The following CTDP1 variants were observed in gnomAD, a reference collection of about 807,000 sequenced individuals.
CTDP1 encodes CTD phosphatase 1, also known as RNA polymerase II subunit A C-terminal domain phosphatase.
In CTDP1, 47 loss-of-function variants were observed where a neutral mutation model predicts 91.8. The observed-to-expected ratio is 0.51, with a 90% CI of 0.41 to 0.65. The LOEUF is 0.65. CTDP1 is among the 30% of genes least tolerant of loss of function. The pLI is 0.00. For synonymous variants in CTDP1, 656 were observed against 598.5 expected (o/e 1.10, Z -1.40); for missense variants, 1,272 against 1,373.7 (o/e 0.93, Z 1.17).
chr18:79,723,684 A>T (rs892929531), intron 10 of CTDP1, among the ~76,000 whole-genome samples: 2 of 152,008 alleles, frequency 1.3e-5, no homozygotes, highest in Non-Finnish European at 2.9e-5. Context: ...CTCTTGTGAA[A>T]GTGGGGAACA....
At position 79,680,136 on chromosome 18, in the gene CTDP1, C is replaced by A; in HGVS notation, c.189C>A (p.Ala63=). 7.0e-7 allele frequency: 1 copy of A among 1,431,722 alleles called. No homozygotes were observed. Among genetic ancestry groups the A allele is most frequent in the Admixed American group, 2.6e-5 (1 of 39,054 alleles). The allele number at this position is 1,431,722 out of a possible 1,614,324, so 88.7% of individuals were successfully genotyped here. The change falls in exon 1 of 13, where the codon GCC becomes GCA. Residue 63 remains alanine, a synonymous_variant. Transcript: ENST00000613122. The part of the protein sequence containing the change: ...EAAASAQSSG[A]SQSRVASGGC... ...CCGCCTCCGCGCAGTCCTCCGGGGC[C>A]TCTCAGTCCCGTGTAGCCTCCGGGG...
chr18:79,698,413 T>C (rs989317895), intron 4 of CTDP1, among the ~76,000 whole-genome samples: 3 of 152,098 alleles, frequency 2.0e-5, no homozygotes, highest in African/African-American at 7.2e-5. Context: ...GGGTTTGTGC[T>C]TGGGAGAACT....
chr18:79,699,068 C>T (rs146095367), intron 4 of CTDP1, among the ~76,000 whole-genome samples: 41 of 152,196 alleles, frequency 2.7e-4, no homozygotes, highest in Non-Finnish European at 1.9e-4. Context: ...GAGTAACTGC[C>T]GTGCTGCACA....
intron 2 of CTDP1, 69 bp downstream of exon 2, chr18:79,695,377 A>C: frequency 1.4e-6 from 2 of 1,423,850 alleles, no homozygotes; most frequent in South Asian, 1.2e-5. Context: ...GGAGTCCGAG[A>C]AGCTGTGCTG....
intron 6 of CTDP1, among the ~76,000 whole-genome samples, chr18:79,711,555 A>G (rs1241825977): frequency 2.0e-5 from 3 of 152,124 alleles, no homozygotes; most frequent in Non-Finnish European, 4.4e-5. Context: ...CCCCACGCAC[A>G]AGCTCAGCAG....
chr18:79,756,591 A>G (rs987068788), downstream of CTDP1: 2 of 152,242 alleles, frequency 1.3e-5, no homozygotes, highest in African/African-American at 4.8e-5. Context: ...TAATTATACA[A>G]CTGTTCCAAA....
intron 1 of CTDP1, among the ~76,000 whole-genome samples, chr18:79,693,429 T>C (rs116246347): frequency 0.019 from 2,862 of 152,254 alleles, 97 homozygotes; most frequent in African/African-American, 0.065. Flanking sequence ...GTCACTATTT[T>C]GTTGTCTGGT....
At position 79,743,526 on chromosome 18, in the gene CTDP1, C is replaced by CAAAAAAA. The variant is rs34957550; in HGVS notation, c.2747+7017_2747+7023dup. ...GGACAACGGAGTGAGACTCCGTCTC[C>CAAAAAAA]AAAAAAAAAAAAAAAAAACAGTGAA... On this transcript the variant is annotated intron_variant, in intron 12 of 12. Transcript: ENST00000613122. Among the ~76,000 whole-genome samples the CAAAAAAA allele has an allele frequency of 2.7e-5, 3 of 109,886 alleles. 1 individual carries two copies. The highest frequency in any genetic ancestry group is 1.1e-4 in the African/African-American group (3 of 26,666). The allele number at this position is 109,886 out of a possible 152,430, so 72.1% of individuals were successfully genotyped here.
intron 1 of CTDP1, among the ~76,000 whole-genome samples, chr18:79,688,161 G>A (rs530506628): frequency 7.2e-4 from 110 of 152,386 alleles, no homozygotes; most frequent in African/African-American, 2.5e-3. Context: ...CAGGTGCAGA[G>A]CGTCAGCCAC....
At chr18:79,684,759 A>G (rs1181229148) in intron 1 of CTDP1, among the ~76,000 whole-genome samples, 1 of 152,256 alleles carries the variant, frequency 6.6e-6, no homozygotes, top group Non-Finnish European at 1.5e-5. Context: ...TGAAGTTACA[A>G]TAGTCACTAG....
rs577097190 is a variant in CTDP1, at chr18:79,684,469, C to A, written c.314+4208C>A. On this transcript the variant is annotated intron_variant, in intron 1 of 12. Transcript: ENST00000613122. ...CTATAAATAGCAGGTGTGAGTGAAC[C>A]TGTGAAAAGCACCAGCACCAGCCAG... is the stretch of plus-strand genomic sequence containing the variant. Among the ~76,000 whole-genome samples, 6 of 152,288 alleles carry A rather than the reference C, an allele frequency of 3.9e-5. No homozygotes were observed. In the East Asian group the frequency reaches 1.2e-3, roughly 29 times the overall value.
chr18:79,697,387 G>A (rs367710190), intron 3 of CTDP1, among the ~76,000 whole-genome samples: 5 of 152,214 alleles, frequency 3.3e-5, no homozygotes, highest in Non-Finnish European at 5.9e-5. Flanking sequence ...ACCCCGATGC[G>A]CTGTTGCCAG....
intron 10 of CTDP1, among the ~76,000 whole-genome samples, chr18:79,719,915 C>T (rs1160796258): frequency 1.4e-5 from 2 of 146,828 alleles, no homozygotes; most frequent in Non-Finnish European, 3.0e-5. Flanking sequence ...CCCATCGTGT[C>T]CTGGTGATGA....
At chr18:79,719,077 T>TG (rs1336133302) in intron 10 of CTDP1, among the ~76,000 whole-genome samples, 2 of 152,136 alleles carry the variant, frequency 1.3e-5, no homozygotes, top group Admixed American at 1.3e-4. Flanking sequence ...CTCCCGAACC[T>TG]GGGTGGACAG....
chr18:79,747,860 A>G (rs1372583528), intron 12 of CTDP1, among the ~76,000 whole-genome samples: 1 of 152,136 alleles, frequency 6.6e-6, no homozygotes, highest in Non-Finnish European at 1.5e-5. Context: ...TTTGGATTAG[A>G]TGCTGGTGTG....
At chr18:79,706,843 G>A (rs558694383) in intron 5 of CTDP1, among the ~76,000 whole-genome samples, 12 of 152,326 alleles carry the variant, frequency 7.9e-5, no homozygotes, top group Non-Finnish European at 1.5e-4. Context: ...TTTGCCTCCC[G>A]CCTCCCACAC....
chr18:79,732,873 G>A (rs1028484865), intron 11 of CTDP1, among the ~76,000 whole-genome samples: 9 of 148,716 alleles, frequency 6.1e-5, no homozygotes, highest in South Asian at 4.4e-4. Context: ...CATGTGAGAC[G>A]TAAGAACTCG....
At chr18:79,704,092 C>T (rs1024910015) in intron 4 of CTDP1, among the ~76,000 whole-genome samples, 3 of 152,152 alleles carry the variant, frequency 2.0e-5, no homozygotes, top group Non-Finnish European at 2.9e-5. Flanking sequence ...CTAGTTACCA[C>T]GGGCAGTCAG....
In CTDP1 at chr18:79,717,832, C is replaced by T; in HGVS notation, c.2233C>T (p.Pro745Ser). The change falls in exon 10 of 13, where the codon CCC (proline) becomes TCC (serine). Residue 745 changes from proline to serine, a missense_variant. Physicochemically the swap from Pro to Ser is moderately conservative, Grantham distance 74. Around this residue, in one of 3 missense-constraint regions of CTDP1, gnomAD observed 881 missense variants for 911.6 expected, o/e 0.97. Transcript: ENST00000613122. ...CAGGGAGAACAGCCCTGCGGCCTTT[C>T]CCGACCGGGAGGGTGTGCCCCCCAC... ...AQRENSPAAF[P>S]DREGVPPTAL... 1 of 1,613,718 alleles carries T rather than the reference C, an allele frequency of 6.2e-7. No homozygotes were observed. The highest frequency in any genetic ancestry group is 8.5e-7 in the Non-Finnish European group (1 of 1,180,008).
Sources: gnomAD v4.1 joint callset for allele counts (sites outside exome capture counted in the v4.1 genomes callset) on GRCh38, gnomAD v4.1.1 for gene constraint, gnomAD v4.1.1 regional missense constraint, MANE v1.5 for transcripts, NCBI Gene and HGNC (gene_info 2026-07-23, HGNC 2026-07-21) for gene names.